The following ZNF431 variants were observed in gnomAD, a reference collection of about 807,000 sequenced individuals.
ZNF431 encodes the protein zinc finger protein 431.
In ZNF431, 34 loss-of-function variants were observed where a neutral mutation model predicts 57.0. The observed-to-expected ratio is 0.60, with a 90% CI of 0.45 to 0.79. The LOEUF (loss-of-function observed/expected upper bound fraction) is 0.79, where lower values mean the gene tolerates loss of function less well. ZNF431 is among the 30% of genes least tolerant of loss of function. The pLI, the probability that ZNF431 is intolerant of heterozygous loss-of-function variation, is 0.00. For missense variants in ZNF431, 607 were observed against 667.1 expected (o/e 0.91, Z 0.99); for synonymous variants, 207 against 220.3 (o/e 0.94, Z 0.54).
chr19:21,162,745 C>T (rs1219278145), intron 2 of ZNF431: 2 of 985,186 alleles, frequency 2.0e-6, no homozygotes, highest in Non-Finnish European at 2.4e-6. Context: ...TTTCAGAAAC[C>T]CAAAAGCAGG....
chr19:21,173,311 G>A (rs1204219203), intron 4 of ZNF431, among the ~76,000 whole-genome samples: 2 of 146,162 alleles, frequency 1.4e-5, no homozygotes, highest in Non-Finnish European at 3.0e-5. Flanking sequence ...GTAAGAGTGG[G>A]ATTGCTGTAT....
chr19:21,176,433 G>A (rs937053343), intron 4 of ZNF431, among the ~76,000 whole-genome samples: 3 of 151,434 alleles, frequency 2.0e-5, no homozygotes, highest in African/African-American at 7.3e-5. Flanking sequence ...GTAGAGGTGG[G>A]GTTTCTCCAT....
chr19:21,176,017 G>A (rs985734222), intron 4 of ZNF431, among the ~76,000 whole-genome samples: 1 of 152,198 alleles, frequency 6.6e-6, no homozygotes, highest in Non-Finnish European at 1.5e-5. Context: ...TTTCACAATG[G>A]TTGAACTAAT....
intron 2 of ZNF431, among the ~76,000 whole-genome samples, chr19:21,164,823 GTTTCT>G (rs1970672870): frequency 6.6e-6 from 1 of 151,806 alleles, no homozygotes; most frequent in African/African-American, 2.4e-5. Context: ...AAAAATATTT[GTTTCT>G]GGCTGGGCGC....
intron 4 of ZNF431, among the ~76,000 whole-genome samples, chr19:21,177,301 T>A (rs918673587): frequency 3.9e-5 from 6 of 152,218 alleles, no homozygotes; most frequent in African/African-American, 1.4e-4. Context: ...TTCCATTGCT[T>A]GTTTTTGTCA....
In ZNF431 at chr19:21,156,481, G is replaced by A. The variant is rs144337450; in HGVS notation, c.97-9854G>A. On this transcript the variant is annotated intron_variant, in intron 2 of 4. Coordinates refer to ENST00000311048, the MANE Select transcript of ZNF431 (RefSeq NM_133473.4). ...TTGTTTTGTCACTGAGGTACTAAGC[G>A]TAAAACCGAACAGGTATTTTTTTCT... Among the ~76,000 whole-genome samples, 240 of 151,616 alleles carry A rather than the reference G, an allele frequency of 1.6e-3. 2 individuals carry two copies. Among genetic ancestry groups the A allele is most frequent in the Middle Eastern group, 6.8e-3 (2 of 294 alleles).
chr19:21,159,687 A>G (rs1970520491), intron 2 of ZNF431, among the ~76,000 whole-genome samples: 1 of 152,140 alleles, frequency 6.6e-6, no homozygotes, highest in African/African-American at 2.4e-5. Flanking sequence ...ATTCTTATAT[A>G]ATGAGTTGAA....
intron 2 of ZNF431, 103 bp from the exon 3 acceptor site, chr19:21,166,232 A>G: frequency 1.0e-5 from 15 of 1,480,626 alleles, no homozygotes; most frequent in Non-Finnish European, 1.4e-5. Flanking sequence ...TATAAGTCAG[A>G]ATCAGTTCTC....
At chr19:21,166,246 A>T in intron 2 of ZNF431, 89 bp from the exon 3 acceptor site, 3 of 1,525,974 alleles carry the variant, frequency 2.0e-6, no homozygotes, top group Middle Eastern at 1.8e-4. Flanking sequence ...AGTTCTCTTT[A>T]CTCTCTCAAT....
chr19:21,159,112 T>C (rs1006182081), intron 2 of ZNF431, among the ~76,000 whole-genome samples: 11 of 152,180 alleles, frequency 7.2e-5, no homozygotes, highest in African/African-American at 2.2e-4. Flanking sequence ...ATGTGATGAA[T>C]AATATTCATT....
chr19:21,177,595 T>C (rs1371682674), intron 4 of ZNF431, among the ~76,000 whole-genome samples: 1 of 152,158 alleles, frequency 6.6e-6, no homozygotes, highest in Non-Finnish European at 1.5e-5. Context: ...GAGAAAAGCC[T>C]GGCTAACATA....
chr19:21,150,330 T>A, intron 2 of ZNF431: 1 of 407,112 alleles, frequency 2.5e-6, no homozygotes. Flanking sequence ...CCACAATTCT[T>A]AGGCCTTTTC....
At chr19:21,157,490 C>T (rs906353498) in intron 2 of ZNF431, among the ~76,000 whole-genome samples, 9 of 151,842 alleles carry the variant, frequency 5.9e-5, no homozygotes, top group African/African-American at 2.2e-4. Context: ...TTGTTAGCCA[C>T]GTTTGTCTTC....
intron 4 of ZNF431, among the ~76,000 whole-genome samples, chr19:21,176,543 T>G (rs562628113): frequency 3.7e-4 from 56 of 152,002 alleles, no homozygotes; most frequent in African/African-American, 1.1e-3. Context: ...GTGCCCGGCC[T>G]TTGTTCACTT....
intron 2 of ZNF431, among the ~76,000 whole-genome samples, chr19:21,153,355 C>A (rs991858525): frequency 1.3e-5 from 2 of 152,174 alleles, no homozygotes; most frequent in African/African-American, 4.8e-5. Context: ...TTTTACTCAG[C>A]CTCTATTCAA....
rs370005156 is a variant in ZNF431 at position 21,161,873 on chromosome 19, C to T, written c.97-4462C>T. 2.3e-3 allele frequency among the ~76,000 whole-genome samples: 343 copies of T among 152,148 alleles called. 2 individuals carry two copies. Among genetic ancestry groups the T allele is most frequent in the African/African-American group, 7.8e-3 (323 of 41,512 alleles). On this transcript the variant is annotated intron_variant, in intron 2 of 4. Coordinates refer to ENST00000311048, the MANE Select transcript of ZNF431 (RefSeq NM_133473.4). Reference sequence around the variant, plus strand: ...TTCTCCATGTTGGTAAGACTGATCTCGAACTCCCGACCTCAGGTGATTTTC... The same window carrying T: ...TTCTCCATGTTGGTAAGACTGATCTTGAACTCCCGACCTCAGGTGATTTTC...
chr19:21,172,342 C>G (rs1192036412), intron 4 of ZNF431, among the ~76,000 whole-genome samples: 1 of 148,822 alleles, frequency 6.7e-6, no homozygotes, highest in African/African-American at 2.5e-5. Flanking sequence ...GCAGGAGAGT[C>G]ACTTAAACCC....
rs370599706 is a variant in ZNF431 at position 21,143,648 on chromosome 19, C to T, written c.96+5C>T. Reference sequence around the variant, plus strand: ...GTTTACTCTTATTTTGAAAAGGTAACCTCTTGAGACATTAAAATTGTCTAC... The same window carrying T: ...GTTTACTCTTATTTTGAAAAGGTAATCTCTTGAGACATTAAAATTGTCTAC... On this transcript the variant is annotated splice_donor_5th_base_variant and intron_variant, in intron 2 of 4. Coordinates refer to ENST00000311048, the MANE Select transcript of ZNF431 (RefSeq NM_133473.4). 5.6e-6 allele frequency: 9 copies of T among 1,608,332 alleles called. No individual in the cohort carries two copies. Among genetic ancestry groups the T allele is most frequent in the African/African-American group, 4.0e-5 (3 of 74,750 alleles).
At chr19:21,162,700 G>A (rs1970610499) in intron 2 of ZNF431, 3 of 985,380 alleles carry the variant, frequency 3.0e-6, no homozygotes, top group Non-Finnish European at 3.6e-6. Context: ...TTTTGCTGGT[G>A]AATCCTGCTG....
Sources: allele counts gnomAD v4.1 joint callset (sites outside exome capture counted in the v4.1 genomes callset), GRCh38; gene constraint gnomAD v4.1.1; transcripts MANE v1.5; gene names NCBI Gene and HGNC (gene_info 2026-07-23, HGNC 2026-07-21).